Variants in MYO1E observed in about 807,000 individuals in gnomAD.
The protein encoded by MYO1E is myosin IE.
A neutral mutation model predicts 151.1 loss-of-function variants in MYO1E; 68 were observed. The observed-to-expected ratio is 0.45, with a 90% CI of 0.37 to 0.55. MYO1E has a LOEUF of 0.55. MYO1E is among the 20% of genes least tolerant of loss of function. The pLI, the probability that MYO1E is intolerant of heterozygous loss-of-function variation, is 0.00. For synonymous variants in MYO1E, 601 were observed against 501.7 expected (o/e 1.20, Z -2.64); for missense variants, 1,363 against 1,389.3 (o/e 0.98, Z 0.30).
At chr15:59,260,074 A>T (rs938814799) in intron 3 of MYO1E, among the ~76,000 whole-genome samples, 3 of 152,236 alleles carry the variant, frequency 2.0e-5, no homozygotes, top group Admixed American at 6.5e-5. Flanking sequence ...AATTGAGCAT[A>T]TTTTTTAGAA....
Position 59,297,040 on chromosome 15 carries a change from G to A in MYO1E, c.4-24591C>T, listed in dbSNP as rs1381021685. Reference sequence around the variant, plus strand: ...CTAATTTTTTGTGTTTTTTTGTAGAGACAGAGTTTCACTGTGTTAGCCAGG... The same window carrying A: ...CTAATTTTTTGTGTTTTTTTGTAGAAACAGAGTTTCACTGTGTTAGCCAGG... On this transcript the variant is annotated intron_variant, in intron 1 of 27. Coordinates refer to ENST00000288235, the MANE Select transcript of MYO1E (RefSeq NM_004998.4). Among the ~76,000 whole-genome samples the A allele has an allele frequency of 9.5e-5, 6 of 62,910 alleles. 1 individual carries two copies. Among genetic ancestry groups the A allele is most frequent in the Admixed American group, 2.3e-4 (1 of 4,384 alleles). The allele number at this position is 62,910 out of a possible 152,430, so 41.3% of individuals were successfully genotyped here. A position where few individuals can be genotyped will look rare whatever the true frequency, so the allele number is the denominator to read the frequency against.
intron 1 of MYO1E, among the ~76,000 whole-genome samples, chr15:59,284,980 T>C (rs1470138184): frequency 6.6e-6 from 1 of 152,200 alleles, no homozygotes; most frequent in African/African-American, 2.4e-5. Context: ...CCCTGTCTTT[T>C]CAGCTGTGGC....
At chr15:59,291,227 T>C (rs1351852324) in intron 1 of MYO1E, among the ~76,000 whole-genome samples, 1 of 152,202 alleles carries the variant, frequency 6.6e-6, no homozygotes, top group Non-Finnish European at 1.5e-5. Flanking sequence ...ACCCAAAATA[T>C]GAAGAAAAGC....
chr15:59,249,157 C>T (rs571036497), intron 4 of MYO1E, among the ~76,000 whole-genome samples: 16 of 152,298 alleles, frequency 1.1e-4, no homozygotes, highest in African/African-American at 3.9e-4. Flanking sequence ...GGCGCGGTGG[C>T]TCACGCCTGT....
intron 6 of MYO1E, among the ~76,000 whole-genome samples, chr15:59,230,062 C>T (rs569026924): frequency 1.3e-5 from 2 of 152,222 alleles, no homozygotes; most frequent in South Asian, 4.1e-4. Flanking sequence ...AATCACTTTC[C>T]TGGAAGAATG....
rs147146486 is a variant in MYO1E, at chr15:59,295,071, C to G, written c.4-22622G>C. Among the ~76,000 whole-genome samples, 408 of 152,264 alleles carry G rather than the reference C, an allele frequency of 2.7e-3. 4 individuals carry two copies. The highest frequency in any genetic ancestry group is 5.6e-3 in the Admixed American group (85 of 15,286). On this transcript the variant is annotated intron_variant, in intron 1 of 27. Coordinates refer to ENST00000288235, the MANE Select transcript of MYO1E (RefSeq NM_004998.4). ...AGTGACCTGAGGATGGGGCATGCCT[C>G]ATCTCTGAACTCTCCTTGTCCTAAT...
intron 18 of MYO1E, among the ~76,000 whole-genome samples, chr15:59,182,259 C>G (rs1421714119): frequency 6.6e-6 from 1 of 152,136 alleles, no homozygotes; most frequent in African/African-American, 2.4e-5. Context: ...GTCGCCCAGG[C>G]TGGAGTGCAG....
At chr15:59,277,227 T>C (rs1203974309) in intron 1 of MYO1E, among the ~76,000 whole-genome samples, 1 of 152,042 alleles carries the variant, frequency 6.6e-6, no homozygotes, top group African/African-American at 2.4e-5. Context: ...CACAGACCAA[T>C]ATATAAACAT....
At chr15:59,214,562 A>G in intron 11 of MYO1E, 78 bp downstream of exon 11, 1 of 1,325,098 alleles carries the variant, frequency 7.5e-7, no homozygotes, top group South Asian at 1.2e-5. Context: ...TTGTTTTTGC[A>G]TTGCCTAGAA....
intron 1 of MYO1E, among the ~76,000 whole-genome samples, chr15:59,336,142 G>C (rs553012959): frequency 6.6e-6 from 1 of 152,070 alleles, no homozygotes; most frequent in African/African-American, 2.4e-5. Flanking sequence ...AGGCTGAAGC[G>C]GGCAGATCAC....
intron 10 of MYO1E, among the ~76,000 whole-genome samples, chr15:59,216,623 T>TATCTATCTATCTATC (rs201595850): frequency 1.5e-5 from 2 of 131,872 alleles, no homozygotes; most frequent in African/African-American, 5.7e-5. Context: ...TCTATCTATC[T>TATCTATCTATCTATC]TTTGGATCGA....
chr15:59,179,984 T>C (rs1488114285), intron 18 of MYO1E, among the ~76,000 whole-genome samples: 1 of 152,260 alleles, frequency 6.6e-6, no homozygotes, highest in African/African-American at 2.4e-5. Context: ...CAGAAACTAC[T>C]GTCACGATTA....
intron 4 of MYO1E, among the ~76,000 whole-genome samples, chr15:59,238,365 C>T (rs2080079354): frequency 1.3e-5 from 2 of 152,176 alleles, no homozygotes; most frequent in Non-Finnish European, 2.9e-5. Context: ...CTTACAATGG[C>T]ACAACCACCC....
chr15:59,311,588 A>G (rs1307682873), intron 1 of MYO1E, among the ~76,000 whole-genome samples: 2 of 152,188 alleles, frequency 1.3e-5, no homozygotes, highest in African/African-American at 2.4e-5. Context: ...AGTTTACCAT[A>G]TAAGAACCAT....
intron 1 of MYO1E, among the ~76,000 whole-genome samples, chr15:59,282,967 A>C (rs990311187): frequency 6.4e-5 from 1 of 15,514 alleles, no homozygotes; most frequent in East Asian, 3.9e-3. Context: ...GGGGAGGGGA[A>C]AGGGGAAAGG....
chr15:59,309,093 G>C (rs2080533959), intron 1 of MYO1E, among the ~76,000 whole-genome samples: 3 of 152,144 alleles, frequency 2.0e-5, no homozygotes, highest in African/African-American at 7.2e-5. Flanking sequence ...CAGCCTGGGT[G>C]ACAGAGTGAG....
In MYO1E at chr15:59,178,612, A is replaced by G. The variant is rs560351794; in HGVS notation, c.1905-75T>C. 4.8e-5 allele frequency: 75 copies of G among 1,565,740 alleles called. No homozygotes were observed. The Admixed American group carries it at 1.3e-3, about 27-fold the overall frequency. The stretch of plus-strand genomic sequence containing the variant: ...GGTTTTCTACCCGGGCAAGGCAGCA[A>G]GAGCTCTGCTCTGAAGGTGCCCAGT... On this transcript the variant is annotated intron_variant, in intron 18 of 27. Coordinates refer to ENST00000288235, the MANE Select transcript of MYO1E (RefSeq NM_004998.4).
chr15:59,205,260 T>C (rs1453610974), intron 15 of MYO1E, 140 bp downstream of exon 15: 3 of 862,548 alleles, frequency 3.5e-6, no homozygotes, highest in Non-Finnish European at 5.9e-6. Flanking sequence ...ACTCCTAGGA[T>C]CAAGTGATCC....
intron 5 of MYO1E, among the ~76,000 whole-genome samples, chr15:59,232,941 T>G (rs1368154018): frequency 6.6e-6 from 1 of 152,110 alleles, no homozygotes; most frequent in Non-Finnish European, 1.5e-5. Flanking sequence ...GGAATCATCC[T>G]TAGCCATGGC....
Sources: allele counts gnomAD v4.1 joint callset (sites outside exome capture counted in the v4.1 genomes callset), GRCh38; gene constraint gnomAD v4.1.1; transcripts MANE v1.5; gene names NCBI Gene and HGNC (gene_info 2026-07-23, HGNC 2026-07-21).